The following SLX4IP variants were observed in gnomAD, a reference collection of about 807,000 sequenced individuals.
The protein encoded by SLX4IP is SLX4 interacting protein, also known as protein SLX4IP.
In SLX4IP, 34 loss-of-function variants were observed where a neutral mutation model predicts 32.9. The ratio of observed to expected loss-of-function variants is 1.03; its 90% CI spans 0.79 to 1.38. SLX4IP has a LOEUF of 1.38. Among genes scored for constraint, SLX4IP ranks in the 40% most tolerant of loss-of-function variants. The probability of loss-of-function intolerance (pLI) is 0.00; values close to 1 mark genes in which losing one functional copy is unlikely to be tolerated. For missense variants in SLX4IP, 444 were observed against 479.0 expected, an observed-to-expected ratio of 0.93 and a Z score of 0.68; for synonymous variants, 172 against 171.7, an observed-to-expected ratio of 1.00 and a Z score of -0.01.
chr20:10,438,025 A>G (rs59794987), intron 1 of SLX4IP, among the ~76,000 whole-genome samples: 2,066 of 152,338 alleles, frequency 0.014, 36 homozygotes, highest in African/African-American at 0.045. Flanking sequence ...TGCCCGGCAC[A>G]TAGTCACAGC....
chr20:10,497,744 G>A (rs1006019850), intron 2 of SLX4IP, among the ~76,000 whole-genome samples: 6 of 151,902 alleles, frequency 3.9e-5, no homozygotes, highest in African/African-American at 1.5e-4. Flanking sequence ...GACTTTGTTG[G>A]TCACTTTTCT....
rs543726598 is a variant in SLX4IP at position 10,614,019 on chromosome 20, G to A, written c.406-7295G>A. 525 of 1,356,912 alleles carry A rather than the reference G, an allele frequency of 3.9e-4. 7 individuals carry two copies. In the South Asian group the frequency reaches 5.0e-3, roughly 13 times the overall value. The allele number at this position is 1,356,912 out of a possible 1,614,324, so 84.1% of individuals were successfully genotyped here. On this transcript the variant is annotated intron_variant, in intron 6 of 7. Coordinates refer to ENST00000334534, the MANE Select transcript of SLX4IP (RefSeq NM_001009608.3). ...TCTCTGTTCTCTGTCACCGAGAATG[G>A]AATAGACTTTTTCCAGGATCTGGAA...
chr20:10,472,369 T>TA (rs1168922920), intron 2 of SLX4IP, among the ~76,000 whole-genome samples: 3 of 152,070 alleles, frequency 2.0e-5, no homozygotes, highest in Non-Finnish European at 2.9e-5. Flanking sequence ...TAGCTGGGAC[T>TA]ACAGTCGCCT....
intron 4 of SLX4IP, among the ~76,000 whole-genome samples, chr20:10,590,541 A>G (rs182413001): frequency 2.0e-5 from 3 of 151,806 alleles, no homozygotes; most frequent in Admixed American, 1.3e-4. Flanking sequence ...TTTGTATTTT[A>G]GTAGAGATGG....
intron 2 of SLX4IP, among the ~76,000 whole-genome samples, chr20:10,511,915 G>A (rs1372429484): frequency 6.6e-6 from 1 of 152,198 alleles, no homozygotes; most frequent in African/African-American, 2.4e-5. Context: ...TTGTTGCATA[G>A]TAAAAACTCA....
At chr20:10,514,126 A>G (rs1290735358) in intron 2 of SLX4IP, among the ~76,000 whole-genome samples, 1 of 152,216 alleles carries the variant, frequency 6.6e-6, no homozygotes, top group Non-Finnish European at 1.5e-5. Flanking sequence ...ACTCATTCAA[A>G]GAAAAGTGCA....
intron 2 of SLX4IP, among the ~76,000 whole-genome samples, chr20:10,480,122 G>A (rs1182084358): frequency 6.6e-6 from 1 of 152,242 alleles, no homozygotes; most frequent in Admixed American, 6.5e-5. Flanking sequence ...GGTTGGGTGC[G>A]GTGGCTCACG....
chr20:10,493,723 T>G (rs2065644395), intron 2 of SLX4IP, among the ~76,000 whole-genome samples: 1 of 152,170 alleles, frequency 6.6e-6, no homozygotes, highest in African/African-American at 2.4e-5. Flanking sequence ...AGCCTTACTA[T>G]TAAGAGCAAT....
intron 6 of SLX4IP, among the ~76,000 whole-genome samples, chr20:10,612,349 A>C (rs1600155956): frequency 6.6e-6 from 1 of 151,906 alleles, no homozygotes; most frequent in East Asian, 1.9e-4. Flanking sequence ...GAGACCTTAG[A>C]CTCCACTCCG....
intron 2 of SLX4IP, among the ~76,000 whole-genome samples, chr20:10,472,392 G>A (rs572048657): frequency 2.6e-5 from 4 of 151,910 alleles, no homozygotes; most frequent in East Asian, 1.9e-4. Context: ...CACCACGCCC[G>A]GCTAATTTTT....
chr20:10,621,183 C>T, intron 6 of SLX4IP, 131 bp from the exon 7 acceptor site: 1 of 779,612 alleles, frequency 1.3e-6, no homozygotes, highest in Non-Finnish European at 2.1e-6. Flanking sequence ...GTTAAAATAG[C>T]TTACCACTGA....
At chr20:10,617,480 A>G (rs764404543) in intron 6 of SLX4IP, among the ~76,000 whole-genome samples, 4 of 152,078 alleles carry the variant, frequency 2.6e-5, no homozygotes, top group Non-Finnish European at 4.4e-5. Flanking sequence ...TTTTAGGCCA[A>G]CTTCTCTCCC....
At chr20:10,519,182 T>C (rs886519283) in intron 2 of SLX4IP, among the ~76,000 whole-genome samples, 3 of 152,224 alleles carry the variant, frequency 2.0e-5, no homozygotes, top group African/African-American at 7.2e-5. Context: ...CATTGCCTTA[T>C]CGACTTTTAA....
chr20:10,527,488 AT>A (rs1401919327), intron 2 of SLX4IP, among the ~76,000 whole-genome samples: 2 of 152,248 alleles, frequency 1.3e-5, no homozygotes, highest in Non-Finnish European at 2.9e-5. Context: ...AGTGTATTCA[AT>A]ATGAGCCCCT....
intron 4 of SLX4IP, among the ~76,000 whole-genome samples, chr20:10,570,216 C>T (rs1601015018): frequency 6.6e-6 from 1 of 152,184 alleles, no homozygotes; most frequent in Non-Finnish European, 1.5e-5. Context: ...TACCAACTGC[C>T]CCACCTTTAC....
intron 4 of SLX4IP, among the ~76,000 whole-genome samples, chr20:10,581,775 A>G (rs1459321588): frequency 6.6e-6 from 1 of 152,090 alleles, no homozygotes; most frequent in Non-Finnish European, 1.5e-5. Flanking sequence ...TTTTTTAATT[A>G]GCTGAGTGTG....
intron 4 of SLX4IP, among the ~76,000 whole-genome samples, chr20:10,567,682 T>C (rs1422105453): frequency 6.6e-6 from 1 of 152,208 alleles, no homozygotes; most frequent in African/African-American, 2.4e-5. Context: ...ATATAACTTT[T>C]CCCCAAATAT....
chr20:10,451,082 A>G (rs2065237850), intron 1 of SLX4IP, among the ~76,000 whole-genome samples: 1 of 152,004 alleles, frequency 6.6e-6, no homozygotes, highest in Non-Finnish European at 1.5e-5. Flanking sequence ...CATTTTATTT[A>G]GTCCTTTCAA....
At chr20:10,439,719 T>C (rs911585281) in intron 1 of SLX4IP, among the ~76,000 whole-genome samples, 12 of 152,262 alleles carry the variant, frequency 7.9e-5, no homozygotes, top group Non-Finnish European at 1.6e-4. Context: ...GTTCTTGACA[T>C]GTACATGTCT....
Sources: gnomAD v4.1 joint callset for allele counts (sites outside exome capture counted in the v4.1 genomes callset) on GRCh38, gnomAD v4.1.1 for gene constraint, MANE v1.5 for transcripts, NCBI Gene and HGNC (gene_info 2026-07-23, HGNC 2026-07-21) for gene names.